The following USP18 variants were observed in gnomAD, a reference collection of about 807,000 sequenced individuals.
USP18 encodes the protein ubl carboxyl-terminal hydrolase 18.
In USP18, 11 loss-of-function variants were observed where a neutral mutation model predicts 48.7. That is an observed-to-expected ratio of 0.23 (90% CI 0.14 to 0.37). The LOEUF is 0.37. USP18 is among the 10% of genes least tolerant of loss of function. The probability of loss-of-function intolerance (pLI) is 1.00; values close to 1 mark genes in which losing one functional copy is unlikely to be tolerated. For synonymous variants in USP18, 114 were observed against 163.2 expected (o/e 0.70, Z 2.30); for missense variants, 285 against 436.4 (o/e 0.65, Z 3.09).
chr22:18,170,572 G>C (rs1238707176), intron 7 of USP18, among the ~76,000 whole-genome samples, 181 bp from the exon 8 acceptor site: 2 of 146,026 alleles, frequency 1.4e-5, no homozygotes, highest in Non-Finnish European at 3.0e-5. Flanking sequence ...CATGGTGGTA[G>C]AATAGCCAAG....
At position 18,160,273 on chromosome 22, in the gene USP18, G is replaced by T. The variant is rs760519660; in HGVS notation, c.254+5G>T. 1.9e-6 allele frequency: 3 copies of T among 1,613,878 alleles called. No homozygotes were observed. In the South Asian group the frequency reaches 3.3e-5, roughly 18 times the overall value. On this transcript the variant is annotated splice_donor_5th_base_variant and intron_variant, in intron 3 of 10. Transcript: ENST00000215794. ...CTTCACCAGGATATTGAAGAGGTAA[G>T]ACTGTTCTTCAGGCTGATGAGCATT... is the stretch of plus-strand genomic sequence containing the variant.
chr22:18,171,630 C>G (rs1401861934), intron 8 of USP18, among the ~76,000 whole-genome samples: 2 of 151,748 alleles, frequency 1.3e-5, no homozygotes, highest in African/African-American at 4.8e-5. Context: ...GACCCCGTCT[C>G]TAAAAACAAA....
chr22:18,160,038 T>G, intron 2 of USP18, 134 bp from the exon 3 acceptor site: 1 of 830,226 alleles, frequency 1.2e-6, no homozygotes, highest in Non-Finnish European at 2.1e-6. Context: ...GGTCTCGAAC[T>G]CCCGACCTCA....
chr22:18,156,608 C>T (rs1332453528), intron 1 of USP18, among the ~76,000 whole-genome samples: 3 of 151,892 alleles, frequency 2.0e-5, no homozygotes, highest in East Asian at 1.9e-4. Context: ...CTGAAGCCAG[C>T]GACACCACGA....
At chr22:18,176,268 C>A (rs1447489263) in intron 10 of USP18, among the ~76,000 whole-genome samples, 1 of 56,636 alleles carries the variant, frequency 1.8e-5, no homozygotes, top group Non-Finnish European at 3.2e-5. Flanking sequence ...GGCTACAGGG[C>A]AAGACTCCAT....
rs143100066 is a variant in USP18 at position 18,160,609 on chromosome 22, T to C, written c.254+341T>C. On this transcript the variant is annotated intron_variant, in intron 3 of 10. Coordinates refer to ENST00000215794, the MANE Select transcript of USP18 (RefSeq NM_017414.4). ...AAGCCACTGCACCTGGCCTGTATTA[T>C]TTCATTTTTAATATATTCAGTTATT... Among the ~76,000 whole-genome samples the C allele has an allele frequency of 1.0e-3, 155 of 152,122 alleles. No homozygotes were observed. In the Middle Eastern group the frequency reaches 0.01, roughly 10 times the overall value.
chr22:18,152,661 C>T (rs945689906), intron 1 of USP18, among the ~76,000 whole-genome samples: 1 of 151,954 alleles, frequency 6.6e-6, no homozygotes, highest in Non-Finnish European at 1.5e-5. Context: ...ATGCTTATTG[C>T]CCCTGCTAAC....
chr22:18,173,048 T>A, intron 8 of USP18, 102 bp from the exon 9 acceptor site: 3 of 1,575,844 alleles, frequency 1.9e-6, no homozygotes, highest in Non-Finnish European at 2.6e-6. Flanking sequence ...TTTTCTAATA[T>A]TCTAAAGTCC....
chr22:18,160,431 G>C (rs1008244270), intron 3 of USP18, among the ~76,000 whole-genome samples, 163 bp downstream of exon 3: 1 of 151,486 alleles, frequency 6.6e-6, no homozygotes, highest in Non-Finnish European at 1.5e-5. Flanking sequence ...TCAGTCTCCC[G>C]AGTAGCTGGG....
At chr22:18,154,162 A>C (rs1395922549) in intron 1 of USP18, among the ~76,000 whole-genome samples, 3 of 151,186 alleles carry the variant, frequency 2.0e-5, no homozygotes, top group African/African-American at 7.3e-5. Flanking sequence ...TAATGGCTCT[A>C]CTAATTTACA....
At chr22:18,159,538 C>T (rs1242407232) in intron 2 of USP18, among the ~76,000 whole-genome samples, 3 of 150,772 alleles carry the variant, frequency 2.0e-5, no homozygotes, top group Non-Finnish European at 2.9e-5. Flanking sequence ...ACTCTTGTTG[C>T]CCAGGCTGGA....
intron 1 of USP18, among the ~76,000 whole-genome samples, chr22:18,151,650 C>A (rs1037249477): frequency 1.3e-5 from 2 of 151,716 alleles, no homozygotes; most frequent in Admixed American, 6.6e-5. Flanking sequence ...AGTTTTTCCA[C>A]GAGCTGTTTT....
intron 6 of USP18, among the ~76,000 whole-genome samples, chr22:18,169,419 A>T (rs1602530105): frequency 6.6e-6 from 1 of 152,238 alleles, no homozygotes; most frequent in East Asian, 1.9e-4. Flanking sequence ...TACTAAAAAC[A>T]TAAAAAAATT....
chr22:18,164,683 TTGCTC>T (rs1178272065), intron 4 of USP18, among the ~76,000 whole-genome samples: 4 of 152,180 alleles, frequency 2.6e-5, no homozygotes, highest in Non-Finnish European at 5.9e-5. Context: ...TTCTGCCTGT[TTGCTC>T]TGTGCTGAGC....
At chr22:18,169,688 C>T (rs370021403) in intron 6 of USP18, among the ~76,000 whole-genome samples, 156 bp from the exon 7 acceptor site, 10 of 152,296 alleles carry the variant, frequency 6.6e-5, no homozygotes, top group Non-Finnish European at 1.3e-4. Context: ...GCCATGCTTC[C>T]GGTTGGCCTG....
intron 8 of USP18, among the ~76,000 whole-genome samples, chr22:18,172,849 T>G (rs1479120226): frequency 1.3e-5 from 2 of 150,262 alleles, no homozygotes; most frequent in Admixed American, 1.3e-4. Context: ...AACAGAACTG[T>G]GTTCTGATGA....
At chr22:18,159,605 C>A (rs1456844008) in intron 2 of USP18, among the ~76,000 whole-genome samples, 1 of 150,028 alleles carries the variant, frequency 6.7e-6, no homozygotes, top group Non-Finnish European at 1.5e-5. Flanking sequence ...TCAAGCAATT[C>A]TCCTGCCTCA....
At chr22:18,167,047 T>G (rs1052937658) in intron 4 of USP18, among the ~76,000 whole-genome samples, 39 of 152,190 alleles carry the variant, frequency 2.6e-4, no homozygotes, top group Non-Finnish European at 5.9e-5. Flanking sequence ...CACTGGAGCT[T>G]AAGTTTTAAG....
At chr22:18,174,446 G>A (rs1457586706) in intron 10 of USP18, among the ~76,000 whole-genome samples, 2 of 152,052 alleles carry the variant, frequency 1.3e-5, no homozygotes, top group East Asian at 1.9e-4. Flanking sequence ...TGGCCAGGAT[G>A]GTCTCAGTCT....
Sources: allele counts gnomAD v4.1 joint callset (sites outside exome capture counted in the v4.1 genomes callset), GRCh38; gene constraint gnomAD v4.1.1; transcripts MANE v1.5; gene names NCBI Gene and HGNC (gene_info 2026-07-23, HGNC 2026-07-21).